The following AGBL1 variants were observed in gnomAD, a reference collection of about 807,000 sequenced individuals.
AGBL1 encodes the protein AGBL carboxypeptidase 1, also known as cytosolic carboxypeptidase 4.
A neutral mutation model predicts 118.9 loss-of-function variants in AGBL1; 130 were observed. The observed-to-expected ratio is 1.09, with a 90% CI of 0.95 to 1.26. The LOEUF (loss-of-function observed/expected upper bound fraction) is 1.26, where lower values mean the gene tolerates loss of function less well. Ranked by LOEUF, AGBL1 falls within the 50% of genes most tolerant of loss-of-function variation. AGBL1 has a pLI of 0.00. For missense variants in AGBL1, 1,584 were observed against 1,298.1 expected, an observed-to-expected ratio of 1.22 and a Z score of -3.38; for synonymous variants, 555 against 478.9, an observed-to-expected ratio of 1.16 and a Z score of -2.08.
intron 18 of AGBL1, among the ~76,000 whole-genome samples, chr15:86,440,627 G>A (rs977426684): frequency 2.6e-5 from 4 of 151,990 alleles, no homozygotes; most frequent in African/African-American, 9.7e-5. Flanking sequence ...ACTAGACAAG[G>A]AAATGAGTCC....
intron 5 of AGBL1, among the ~76,000 whole-genome samples, chr15:86,190,112 A>G (rs2077695835): frequency 6.6e-6 from 1 of 152,226 alleles, no homozygotes; most frequent in African/African-American, 2.4e-5. Flanking sequence ...CATAGTGGTA[A>G]TAAGACATTT....
chr15:86,729,466 G>A (rs550525161), intron 22 of AGBL1, among the ~76,000 whole-genome samples: 11 of 152,204 alleles, frequency 7.2e-5, no homozygotes, highest in African/African-American at 2.4e-4. Flanking sequence ...GTCTACCGTT[G>A]CCATCTTAAT....
chr15:86,632,274 T>A (rs1252886491), intron 21 of AGBL1, among the ~76,000 whole-genome samples: 15 of 125,298 alleles, frequency 1.2e-4, no homozygotes, highest in Middle Eastern at 8.6e-3. Flanking sequence ...TCTTTCTCTT[T>A]AAAAAAAAAA....
intron 22 of AGBL1, among the ~76,000 whole-genome samples, chr15:86,711,636 G>A (rs2086558683): frequency 6.6e-6 from 1 of 152,102 alleles, no homozygotes; most frequent in Non-Finnish European, 1.5e-5. Context: ...ATAGGTCATG[G>A]CAAAGAACAG....
chr15:86,760,524 A>G (rs1397812581), intron 22 of AGBL1, among the ~76,000 whole-genome samples: 2 of 152,032 alleles, frequency 1.3e-5, no homozygotes, highest in Non-Finnish European at 2.9e-5. Context: ...CACAACAGAG[A>G]GATGTCTTTG....
intron 22 of AGBL1, among the ~76,000 whole-genome samples, chr15:86,867,654 GGT>G (rs1428754584): frequency 3.3e-5 from 5 of 152,124 alleles, no homozygotes; most frequent in African/African-American, 1.2e-4. Context: ...ACCCGGACTA[GGT>G]GGGGCTTATA....
intron 6 of AGBL1, among the ~76,000 whole-genome samples, chr15:86,245,798 G>A (rs140707278): frequency 6.6e-6 from 1 of 152,310 alleles, no homozygotes; most frequent in African/African-American, 2.4e-5. Context: ...TCAGAGCCCT[G>A]TTGCTCACTA....
intron 22 of AGBL1, among the ~76,000 whole-genome samples, chr15:86,746,281 C>T (rs1459207807): frequency 6.6e-6 from 1 of 152,084 alleles, no homozygotes; most frequent in Non-Finnish European, 1.5e-5. Flanking sequence ...TAAACCCATC[C>T]ATATTGAAAA....
chr15:86,511,821 G>T (rs1300783461), intron 18 of AGBL1, among the ~76,000 whole-genome samples: 1 of 151,782 alleles, frequency 6.6e-6, no homozygotes, highest in Non-Finnish European at 1.5e-5. Context: ...GATGAAGTAG[G>T]GCTCATTTAT....
intron 22 of AGBL1, among the ~76,000 whole-genome samples, chr15:86,781,134 A>G (rs2078330307): frequency 6.7e-6 from 1 of 149,552 alleles, no homozygotes; most frequent in Non-Finnish European, 1.5e-5. Flanking sequence ...TTTCTCTTTG[A>G]AATAACATAG....
intron 21 of AGBL1, among the ~76,000 whole-genome samples, chr15:86,617,214 T>G (rs1276208661): frequency 6.6e-6 from 1 of 152,216 alleles, no homozygotes; most frequent in African/African-American, 2.4e-5. Context: ...GAATTTGGAC[T>G]AGTGTCATTC....
intron 22 of AGBL1, among the ~76,000 whole-genome samples, chr15:86,744,476 T>TGGTTTTCTAATATAAAGG (rs2077724897): frequency 2.0e-5 from 3 of 152,164 alleles, no homozygotes; most frequent in East Asian, 1.9e-4. Context: ...TGAGCAGATA[T>TGGTTTTCTAATATAAAGG]GGTTTTCTAA....
At chr15:86,816,563 T>C (rs1282522300) in intron 22 of AGBL1, among the ~76,000 whole-genome samples, 1 of 152,116 alleles carries the variant, frequency 6.6e-6, no homozygotes, top group Non-Finnish European at 1.5e-5. Context: ...GTAAAAATAG[T>C]GAGTAGGGTC....
chr15:86,827,048 C>A (rs1283865286), intron 22 of AGBL1, among the ~76,000 whole-genome samples: 1 of 151,220 alleles, frequency 6.6e-6, no homozygotes. Context: ...AATGTCATTG[C>A]AAGTACATGT....
chr15:86,346,732 T>G (rs1156945107), intron 17 of AGBL1, among the ~76,000 whole-genome samples: 1 of 152,202 alleles, frequency 6.6e-6, no homozygotes, highest in Non-Finnish European at 1.5e-5. Flanking sequence ...ATCTTACACA[T>G]TGAAGAGGAG....
intron 24 of AGBL1, among the ~76,000 whole-genome samples, chr15:87,006,543 G>T (rs147420106): frequency 1.2e-4 from 19 of 152,272 alleles, no homozygotes; most frequent in African/African-American, 3.8e-4. Flanking sequence ...TATTGGAAAA[G>T]TGCAGTATTA....
chr15:86,366,024 C>T (rs2080882562), intron 17 of AGBL1, among the ~76,000 whole-genome samples: 1 of 152,120 alleles, frequency 6.6e-6, no homozygotes, highest in Non-Finnish European at 1.5e-5. Context: ...AAGAAAGGCA[C>T]CTGATATTCC....
chr15:86,306,707 G>A lies in AGBL1; in HGVS notation c.2374+11299G>A, dbSNP rs372804239. Among the ~76,000 whole-genome samples, 14 of 152,200 alleles carry A rather than the reference G, an allele frequency of 9.2e-5. 1 individual carries two copies. The East Asian group carries it at 2.7e-3, about 29-fold the overall frequency. On this transcript the variant is annotated intron_variant, in intron 17 of 22. Transcript: ENST00000614907. ...AGCAGTGGGCTTGCTGGATCATATG[G>A]TAGCTCAATTTTTAGTTTTTTGAGG... is the stretch of plus-strand genomic sequence containing the variant.
intron 22 of AGBL1, among the ~76,000 whole-genome samples, chr15:86,695,409 C>T (rs1318651327): frequency 6.6e-6 from 1 of 151,838 alleles, no homozygotes; most frequent in African/African-American, 2.4e-5. Flanking sequence ...CCTGAATGAT[C>T]TTTTGTATTT....
Sources: allele counts gnomAD v4.1 joint callset (sites outside exome capture counted in the v4.1 genomes callset), GRCh38; gene constraint gnomAD v4.1.1; transcripts MANE v1.5; gene names NCBI Gene and HGNC (gene_info 2026-07-23, HGNC 2026-07-21).